Variants in PREP observed in about 807,000 individuals in gnomAD.
The protein encoded by PREP is prolyl endopeptidase, also known as dJ355L5.1 (prolyl endopeptidase).
PREP carries 29 observed loss-of-function variants against 87.6 expected under a neutral mutation model. The ratio of observed to expected loss-of-function variants is 0.33; its 90% CI spans 0.25 to 0.45. The LOEUF (loss-of-function observed/expected upper bound fraction) is 0.45. PREP is among the 20% of genes least tolerant of loss of function. The pLI is 1.00. For missense variants in PREP, 695 were observed against 886.5 expected, an observed-to-expected ratio of 0.78 and a Z score of 2.74; for synonymous variants, 337 against 328.6, an observed-to-expected ratio of 1.03 and a Z score of -0.28.
Position 105,328,879 on chromosome 6 carries a change from T to G in PREP, c.1163A>C (p.Gln388Pro). ...ATAGAAGATTTCAGTGTCCTTCTTCTGACCGCTGTACCCTACAATGCTGCC... is the reference window on the plus strand; with the variant it reads ...ATAGAAGATTTCAGTGTCCTTCTTCGGACCGCTGTACCCTACAATGCTGCC... ...DVGSIVGYSG[Q>P]KKDTEIFYQF... The change falls in exon 9 of 15, where the codon CAG (glutamine) becomes CCG (proline). Residue 388 changes from glutamine (Q) to proline (P), a missense_variant. Physicochemically the swap from Gln to Pro is moderately conservative, Grantham distance 76. Coordinates refer to ENST00000652536, the MANE Select transcript of PREP (RefSeq NM_002726.5). 1.2e-6 allele frequency: 2 copies of G among 1,614,200 alleles called. No individual in the cohort carries two copies. The highest frequency in any genetic ancestry group is 1.3e-5 in the African/African-American group (1 of 75,054).
chr6:105,317,105 C>G (rs1253464269), intron 10 of PREP, among the ~76,000 whole-genome samples: 1 of 151,392 alleles, frequency 6.6e-6, no homozygotes. Context: ...ACCACCGTGC[C>G]TGGCTAATTA....
intron 2 of PREP, among the ~76,000 whole-genome samples, chr6:105,378,893 C>CA (rs1365270221): frequency 6.6e-6 from 1 of 152,178 alleles, no homozygotes; most frequent in Admixed American, 6.5e-5. Context: ...CATCCAAGCT[C>CA]ACAATGGTCT....
At chr6:105,376,857 G>A (rs1772700351) in intron 3 of PREP, among the ~76,000 whole-genome samples, 1 of 152,176 alleles carries the variant, frequency 6.6e-6, no homozygotes, top group Non-Finnish European at 1.5e-5. Flanking sequence ...GTACGTTGCC[G>A]ATCTCTGTAA....
chr6:105,282,749 T>TA, intron 12 of PREP, among the ~76,000 whole-genome samples, 167 bp from the exon 13 acceptor site: 1 of 152,368 alleles, frequency 6.6e-6, no homozygotes, highest in East Asian at 1.9e-4. Context: ...TGTTATGCAC[T>TA]GTGGAAATAT....
chr6:105,345,667 T>C (rs1256920707), intron 7 of PREP, among the ~76,000 whole-genome samples: 1 of 152,250 alleles, frequency 6.6e-6, no homozygotes, highest in Non-Finnish European at 1.5e-5. Flanking sequence ...CATGGGCTGC[T>C]GTTGTCCTGA....
chr6:105,334,918 T>C (rs1413964090), intron 7 of PREP, among the ~76,000 whole-genome samples: 2 of 152,234 alleles, frequency 1.3e-5, no homozygotes, highest in Non-Finnish European at 2.9e-5. Flanking sequence ...GATACAATTA[T>C]GTGTTTATTG....
At chr6:105,282,279 G>A (rs563297745) in intron 13 of PREP, among the ~76,000 whole-genome samples, 172 bp downstream of exon 13, 162 of 152,294 alleles carry the variant, frequency 1.1e-3, no homozygotes, top group African/African-American at 3.6e-3. Context: ...GGGTCTCTTC[G>A]TATGTCATTT....
At chr6:105,392,391 C>T (rs555197355) in intron 2 of PREP, among the ~76,000 whole-genome samples, 103 of 152,254 alleles carry the variant, frequency 6.8e-4, no homozygotes, top group Non-Finnish European at 1.0e-3. Flanking sequence ...CATGCTAACG[C>T]TACCATGGTT....
At chr6:105,363,656 C>G (rs370629506) in intron 6 of PREP, among the ~76,000 whole-genome samples, 8 of 152,278 alleles carry the variant, frequency 5.3e-5, no homozygotes, top group East Asian at 3.9e-4. Context: ...TGAACACATC[C>G]TGTACCTCCA....
At chr6:105,350,759 C>T (rs761049499) in intron 7 of PREP, among the ~76,000 whole-genome samples, 2 of 152,144 alleles carry the variant, frequency 1.3e-5, no homozygotes, top group Non-Finnish European at 2.9e-5. Context: ...CTTTCAGAAT[C>T]CCAGGGCCAC....
intron 2 of PREP, among the ~76,000 whole-genome samples, chr6:105,383,230 C>G (rs1187930947): frequency 6.8e-6 from 1 of 147,968 alleles, no homozygotes; most frequent in African/African-American, 2.5e-5. Flanking sequence ...AGGCTAATAT[C>G]TATGCCAAGG....
At position 105,288,903 on chromosome 6, in the gene PREP, T is replaced by C. The variant is rs1348073205; in HGVS notation, c.1318-9A>G. 6.2e-7 allele frequency: 1 copy of C among 1,608,184 alleles called. No individual in the cohort carries two copies. The highest frequency in any genetic ancestry group is 1.3e-5 in the African/African-American group (1 of 74,734). On this transcript the variant is annotated splice_polypyrimidine_tract_variant and intron_variant, in intron 10 of 14. Transcript: ENST00000652536. ...TTGCTAGGGTAGAAAATCTAGAATA[T>C]AAGAAAGCAGAATATAAGATTTAGC... is the stretch of plus-strand genomic sequence containing the variant.
intron 8 of PREP, among the ~76,000 whole-genome samples, chr6:105,331,865 C>A (rs1284230827): frequency 6.6e-6 from 1 of 152,152 alleles, no homozygotes; most frequent in African/African-American, 2.4e-5. Flanking sequence ...AAGTCCCCCA[C>A]CCTATGGGAG....
intron 10 of PREP, among the ~76,000 whole-genome samples, chr6:105,309,731 C>T (rs1353953761): frequency 2.0e-5 from 3 of 152,216 alleles, no homozygotes; most frequent in Non-Finnish European, 4.4e-5. Context: ...CTTGCACACT[C>T]ATTCCCTCCT....
chr6:105,309,554 T>C (rs1277329432), intron 10 of PREP, among the ~76,000 whole-genome samples: 2 of 152,188 alleles, frequency 1.3e-5, no homozygotes, highest in Non-Finnish European at 2.9e-5. Context: ...TTCGCCATGT[T>C]GGCCAGGCTG....
rs571693427 is a variant in PREP, at chr6:105,394,836, T to C, written c.120+3017A>G. On this transcript the variant is annotated intron_variant, in intron 2 of 14. Coordinates refer to ENST00000652536, the MANE Select transcript of PREP (RefSeq NM_002726.5). ...AATAATGAAAAAGGAACCCATTTGA[T>C]AGCAACGACAAAAAGCAAATACCTG... 2.6e-5 allele frequency among the ~76,000 whole-genome samples: 4 copies of C among 152,258 alleles called. No homozygotes were observed. In the South Asian group the frequency reaches 8.3e-4, roughly 32 times the overall value.
chr6:105,300,481 G>C (rs1770511041), intron 10 of PREP, among the ~76,000 whole-genome samples: 2 of 152,084 alleles, frequency 1.3e-5, no homozygotes, highest in African/African-American at 4.8e-5. Context: ...AAATGCTTGA[G>C]CAAATCATAA....
intron 7 of PREP, among the ~76,000 whole-genome samples, chr6:105,337,382 C>T (rs1438121569): frequency 6.6e-6 from 1 of 152,156 alleles, no homozygotes; most frequent in East Asian, 1.9e-4. Context: ...GGATTTTGGA[C>T]CTCATTGGTA....
chr6:105,374,160 C>T (rs1029948169), intron 4 of PREP, among the ~76,000 whole-genome samples: 1 of 152,122 alleles, frequency 6.6e-6, no homozygotes, highest in Non-Finnish European at 1.5e-5. Context: ...AGTGAAGGCG[C>T]CCGGAGTGCA....
Sources: allele counts gnomAD v4.1 joint callset (sites outside exome capture counted in the v4.1 genomes callset), GRCh38; gene constraint gnomAD v4.1.1; transcripts MANE v1.5; gene names NCBI Gene and HGNC (gene_info 2026-07-23, HGNC 2026-07-21).